ZNF100: variants seen among roughly 807,000 people sequenced by gnomAD.
The protein encoded by ZNF100 is zinc finger protein 100, also known as zinc finger protein 100 (Y1).
ZNF100 carries 12 observed loss-of-function variants against 15.8 expected under a neutral mutation model. That is an observed-to-expected ratio of 0.76 (90% CI 0.49 to 1.23). The LOEUF (loss-of-function observed/expected upper bound fraction) is 1.23. Among genes scored for constraint, ZNF100 ranks in the 50% most tolerant of loss-of-function variants. ZNF100 has a pLI of 0.00. For missense variants in ZNF100, 670 were observed against 635.6 expected (o/e 1.05, Z -0.58); for synonymous variants, 226 against 214.8 (o/e 1.05, Z -0.45).
chr19:21,759,199 A>T (rs1365893819), intron 2 of ZNF100, among the ~76,000 whole-genome samples: 2 of 152,136 alleles, frequency 1.3e-5, no homozygotes, highest in Non-Finnish European at 2.9e-5. Flanking sequence ...AAGTTCAATA[A>T]TTTGATGGAG....
intron 2 of ZNF100, among the ~76,000 whole-genome samples, chr19:21,745,517 C>CT (rs748619557): frequency 1.5e-3 from 216 of 142,614 alleles, no homozygotes; most frequent in East Asian, 3.7e-3. Flanking sequence ...GAATTTCTTT[C>CT]TTTTTTTTTT....
At chr19:21,734,261 C>A (rs139454573) in intron 4 of ZNF100, among the ~76,000 whole-genome samples, 1 of 152,286 alleles carries the variant, frequency 6.6e-6, no homozygotes, top group East Asian at 1.9e-4. Context: ...TAATAATGAA[C>A]TTCAGTGAGC....
chr19:21,735,673 C>T (rs946656147), intron 4 of ZNF100, among the ~76,000 whole-genome samples: 2 of 152,212 alleles, frequency 1.3e-5, no homozygotes, highest in African/African-American at 4.8e-5. Context: ...AGGTTGCAAT[C>T]ATAGTTTCTG....
At chr19:21,751,458 C>G in intron 2 of ZNF100, 2 of 869,962 alleles carry the variant, frequency 2.3e-6, no homozygotes, top group South Asian at 1.3e-5. Flanking sequence ...CAGCTAACAG[C>G]TGAATGTGCA....
chr19:21,765,743 C>A lies in ZNF100; in HGVS notation c.47G>T (p.Gly16Val). The change falls in exon 2 of 5, where the codon GGA becomes GTA. Residue 16 changes from glycine to valine, a missense_variant. By Grantham distance (109) the Gly-to-Val change is moderately radical. Coordinates refer to ENST00000358296, the MANE Select transcript of ZNF100 (RefSeq NM_173531.4). ...YGMCPLKGAS[G>V]CPGAERSLLV... ...AAGACTCCTCTCAGCCCCAGGGCAT[C>A]CACTTGCTCCCTTGAGAGGACACAT... The A allele has an allele frequency of 6.2e-7, 1 of 1,614,176 alleles. No individual in the cohort carries two copies. The highest frequency in any genetic ancestry group is 8.5e-7 in the Non-Finnish European group (1 of 1,180,028).
intron 2 of ZNF100, among the ~76,000 whole-genome samples, chr19:21,763,419 G>A (rs1031234789): frequency 3.3e-5 from 5 of 151,992 alleles, no homozygotes; most frequent in African/African-American, 7.2e-5. Context: ...GTGAAACCCC[G>A]TCTCTACTAA....
chr19:21,741,522 C>G (rs1599387610), intron 4 of ZNF100, among the ~76,000 whole-genome samples: 1 of 152,090 alleles, frequency 6.6e-6, no homozygotes, highest in South Asian at 2.1e-4. Flanking sequence ...TTACAGGCAC[C>G]TGTCACAAGG....
chr19:21,741,475 AG>A (rs1233943214), intron 4 of ZNF100, among the ~76,000 whole-genome samples: 1 of 152,134 alleles, frequency 6.6e-6, no homozygotes, highest in Admixed American at 6.5e-5. Context: ...CCCAGGTTCA[AG>A]GAATTCTTCT....
chr19:21,763,331 T>TC (rs2036510724), intron 2 of ZNF100, among the ~76,000 whole-genome samples: 1 of 152,084 alleles, frequency 6.6e-6, no homozygotes. Flanking sequence ...GCGTGGTGGC[T>TC]CATGCCTGTA....
chr19:21,743,902 C>CCCAGAAA, intron 4 of ZNF100, 115 bp downstream of exon 4: 1 of 1,099,710 alleles, frequency 9.1e-7, no homozygotes, highest in Non-Finnish European at 1.2e-6. Flanking sequence ...ACTCAGGCAT[C>CCCAGAAA]CCAGAAACTA....
In ZNF100 at chr19:21,767,512, C is replaced by G; in HGVS notation, c.-83G>C. The G allele has an allele frequency of 6.3e-7, 1 of 1,591,516 alleles. No homozygotes were observed. The highest frequency in any genetic ancestry group is 8.6e-7 in the Non-Finnish European group (1 of 1,165,292). ...TCAGAGGGCCACACAGGCTAGGCCCCTAGGAGCAGAAGACACAGAGAAGTG... is the reference window on the plus strand; with the variant it reads ...TCAGAGGGCCACACAGGCTAGGCCCGTAGGAGCAGAAGACACAGAGAAGTG... On this transcript the variant is annotated 5_prime_UTR_variant, in exon 1 of 5. Transcript: ENST00000358296.
Position 21,730,218 on chromosome 19 carries a change from C to T in ZNF100, c.323-2229G>A, listed in dbSNP as rs184926936. 4.6e-5 allele frequency among the ~76,000 whole-genome samples: 7 copies of T among 151,598 alleles called. No homozygotes were observed. In the East Asian group the frequency reaches 5.8e-4, roughly 13 times the overall value. On this transcript the variant is annotated intron_variant, in intron 4 of 4. Transcript: ENST00000358296. The stretch of plus-strand genomic sequence containing the variant: ...AACTGAGATCCAACTTGCCTTTCTA[C>T]GACAGTAAGCTGAGATCTATTGATT...
rs745745226 is a variant in ZNF100, at chr19:21,727,402, G to T, written c.910C>A (p.Leu304Ile). The T allele has an allele frequency of 1.9e-6, 3 of 1,612,892 alleles. No homozygotes were observed. In the South Asian group the frequency reaches 3.3e-5, roughly 18 times the overall value. The change falls in exon 5 of 5, where the codon CTT (leucine) becomes ATT (isoleucine). Residue 304 changes from leucine (L) to isoleucine (I), a missense_variant. Transcript: ENST00000358296. ...GTATGAATTCTTTTATGTGTAGTAAGGTGTGAAGACCGGTTAAAAGCTTTC... is the reference window on the plus strand; with the variant it reads ...GTATGAATTCTTTTATGTGTAGTAATGTGTGAAGACCGGTTAAAAGCTTTC... ...CGKAFNRSSH[L>I]TTHKRIHTGV...
intron 2 of ZNF100, among the ~76,000 whole-genome samples, chr19:21,764,893 CCA>C (rs1293375200): frequency 5.3e-5 from 8 of 152,002 alleles, no homozygotes; most frequent in Non-Finnish European, 8.8e-5. Flanking sequence ...ATGTAACTCA[CCA>C]ATTATCCACC....
intron 2 of ZNF100, among the ~76,000 whole-genome samples, chr19:21,762,148 A>G (rs1247987221): frequency 1.3e-5 from 2 of 152,224 alleles, no homozygotes; most frequent in African/African-American, 4.8e-5. Flanking sequence ...ACTGCACTCC[A>G]GCCTGGGGAA....
intron 4 of ZNF100, among the ~76,000 whole-genome samples, chr19:21,733,760 G>A (rs1220213978): frequency 2.8e-5 from 1 of 35,252 alleles, no homozygotes; most frequent in Non-Finnish European, 1.1e-4. Flanking sequence ...ACTGAGTGAG[G>A]ACCACCCCAC....
chr19:21,764,423 C>A (rs1045105766), intron 2 of ZNF100, among the ~76,000 whole-genome samples: 1 of 152,100 alleles, frequency 6.6e-6, no homozygotes, highest in South Asian at 2.1e-4. Context: ...GCGGGCAGAT[C>A]GCGAGGTTAG....
In ZNF100 at chr19:21,726,703, T is replaced by C. The variant is rs753129850; in HGVS notation, c.1609A>G (p.Arg537Gly). The C allele has an allele frequency of 1.3e-5, 21 of 1,608,860 alleles. No homozygotes were observed. In the South Asian group the frequency reaches 1.9e-4, roughly 14 times the overall value. ...SLIKQNNSYW[R>G]ETLQM ...ATTTTTCACATTTGTAGGGTTTCTC[T>C]CCAGTATGAGTTATTTTGTTTAATA... Residue 537 changes from arginine to glycine, a missense_variant, in exon 5 of 5, where the codon AGA becomes GGA. Coordinates refer to ENST00000358296, the MANE Select transcript of ZNF100 (RefSeq NM_173531.4).
intron 2 of ZNF100, among the ~76,000 whole-genome samples, chr19:21,763,647 C>T (rs1337002441): frequency 3.9e-5 from 6 of 152,126 alleles, no homozygotes; most frequent in African/African-American, 1.2e-4. Context: ...TTTACGTGGG[C>T]TCCTGAACTT....
Sources: allele counts gnomAD v4.1 joint callset (sites outside exome capture counted in the v4.1 genomes callset), GRCh38; gene constraint gnomAD v4.1.1; transcripts MANE v1.5; gene names NCBI Gene and HGNC (gene_info 2026-07-23, HGNC 2026-07-21).